The following DENND4A variants were observed in gnomAD, a reference collection of about 807,000 sequenced individuals.
DENND4A encodes C-myc promoter-binding protein.
In DENND4A, 70 loss-of-function variants were observed where a neutral mutation model predicts 199.3. The observed-to-expected ratio is 0.35, with a 90% CI of 0.29 to 0.43. The LOEUF is 0.43. Ranked by LOEUF, DENND4A falls within the 20% of genes least tolerant of loss-of-function variation. DENND4A has a pLI of 1.00. For synonymous variants in DENND4A, 686 were observed against 766.9 expected (o/e 0.89, Z 1.74); for missense variants, 1,723 against 2,255.8 (o/e 0.76, Z 4.78).
intron 3 of DENND4A, among the ~76,000 whole-genome samples, 167 bp downstream of exon 3, chr15:65,755,973 A>T (rs74559459): frequency 2.0e-5 from 3 of 152,338 alleles, no homozygotes; most frequent in Non-Finnish European, 4.4e-5. Context: ...CAGGATAAAG[A>T]GAGACAAAAG....
chr15:65,756,745 GCA>G (rs1163020143), intron 2 of DENND4A, among the ~76,000 whole-genome samples: 1 of 152,186 alleles, frequency 6.6e-6, no homozygotes, highest in Non-Finnish European at 1.5e-5. Context: ...CTTTTTAAAT[GCA>G]CAGTCTGGCC....
chr15:65,676,654 C>A lies in DENND4A; in HGVS notation c.4180-20G>T. On this transcript the variant is annotated intron_variant, in intron 23 of 32. Transcript: ENST00000443035. ...TTGATCCTAAGGACATAATTATAAG[C>A]TTAATTTCTTGTACATTTAAAGGTA... 1.3e-6 allele frequency: 2 copies of A among 1,580,608 alleles called. No homozygotes were observed. Among genetic ancestry groups the A allele is most frequent in the African/African-American group, 1.4e-5 (1 of 73,894 alleles).
intron 1 of DENND4A, among the ~76,000 whole-genome samples, chr15:65,767,843 C>T (rs2077025162): frequency 6.6e-6 from 1 of 151,994 alleles, no homozygotes; most frequent in South Asian, 2.1e-4. Context: ...ATATATTAGA[C>T]ATATTCAAAT....
chr15:65,700,458 G>T, intron 20 of DENND4A, 86 bp downstream of exon 20: 1 of 835,208 alleles, frequency 1.2e-6, no homozygotes, highest in Non-Finnish European at 1.6e-6. Flanking sequence ...AAACATCACT[G>T]AAAATGAAAA....
At position 65,737,787 on chromosome 15, in the gene DENND4A, A is replaced by G; in HGVS notation, c.960T>C (p.Pro320=). 6.3e-7 allele frequency: 1 copy of G among 1,595,560 alleles called. No homozygotes were observed. Among genetic ancestry groups the G allele is most frequent in the Non-Finnish European group, 8.5e-7 (1 of 1,170,426 alleles). ...NKCICLLSHW[P]FFDAFRKFLT... ...GAAACTTCCTGAATGCATCAAAAAAAGGCCAGTGAGAAAGAAGACAGATGC... is the reference window on the plus strand; with the variant it reads ...GAAACTTCCTGAATGCATCAAAAAAGGGCCAGTGAGAAAGAAGACAGATGC... The change falls in exon 7 of 33, where the codon CCT becomes CCC. Residue 320 remains proline, a synonymous_variant. Transcript: ENST00000443035.
At chr15:65,744,382 G>A (rs1307470395) in intron 4 of DENND4A, among the ~76,000 whole-genome samples, 1 of 152,030 alleles carries the variant, frequency 6.6e-6, no homozygotes, top group African/African-American at 2.4e-5. Flanking sequence ...TAAGGTAAGC[G>A]GTCTGAAATG....
chr15:65,772,132 TC>T, intron 1 of DENND4A: 1 of 785,526 alleles, frequency 1.3e-6, no homozygotes, highest in Middle Eastern at 2.3e-4. Context: ...TCATCCCTGT[TC>T]CCCTCCATAG....
At chr15:65,776,689 C>G (rs1222854739) in intron 1 of DENND4A, among the ~76,000 whole-genome samples, 1 of 152,176 alleles carries the variant, frequency 6.6e-6, no homozygotes, top group Non-Finnish European at 1.5e-5. Flanking sequence ...AAAGAGATAC[C>G]TGCCTCAGAC....
chr15:65,664,783 TA>T, intron 30 of DENND4A, 61 bp from the exon 31 acceptor site: 1 of 1,397,074 alleles, frequency 7.2e-7, no homozygotes, highest in Non-Finnish European at 9.7e-7. Flanking sequence ...AGAAAGAAAT[TA>T]AGCAGCAACT....
At chr15:65,706,034 T>C in intron 15 of DENND4A, 57 bp downstream of exon 15, 1 of 1,432,990 alleles carries the variant, frequency 7.0e-7, no homozygotes, top group Non-Finnish European at 9.2e-7. Flanking sequence ...GAAAGCTACG[T>C]CACAGATGAT....
Position 65,700,657 on chromosome 15 carries a change from T to G in DENND4A, c.2720A>C (p.Asp907Ala), listed in dbSNP as rs1416185356. The stretch of plus-strand genomic sequence containing the variant: ...ATCCATGCTGCCATGACTAACAGCA[T>G]CCAGGTCACTGCCATCTGCTTAAGA... Reference protein sequence around the residue: ...TTLSADGSDLDAVSHGSMDSG... With the variant: ...TTLSADGSDLAAVSHGSMDSG... The change falls in exon 20 of 33, where the codon GAT becomes GCT. Residue 907 changes from aspartate (D) to alanine (A), a missense_variant. Physicochemically the swap from Asp to Ala is moderately radical, Grantham distance 126. Transcript: ENST00000443035. The G allele has an allele frequency of 6.5e-7, 1 of 1,542,236 alleles. No individual in the cohort carries two copies. Among genetic ancestry groups the G allele is most frequent in the Admixed American group, 2.1e-5 (1 of 48,302 alleles).
intron 1 of DENND4A, among the ~76,000 whole-genome samples, chr15:65,768,572 T>A: frequency 6.6e-6 from 1 of 152,226 alleles, no homozygotes; most frequent in East Asian, 1.9e-4. Context: ...GAAGGACATA[T>A]AAAGTGTACA....
At chr15:65,734,255 C>T (rs1170742896) in intron 7 of DENND4A, among the ~76,000 whole-genome samples, 1 of 152,118 alleles carries the variant, frequency 6.6e-6, no homozygotes, top group Non-Finnish European at 1.5e-5. Context: ...GTGGGACATG[C>T]GGGCAGCAAT....
Position 65,676,526 on chromosome 15 carries a change from A to G in DENND4A, c.4288T>C (p.Ser1430Pro). ...VCHELEGPIS[S>P]QETSATSGTK... ...CCTGAAGTAGCACTGGTCTCTTGAGAGGAGATAGGTCCTTCCAACTCATGG... is the reference window on the plus strand; with the variant it reads ...CCTGAAGTAGCACTGGTCTCTTGAGGGGAGATAGGTCCTTCCAACTCATGG... Residue 1430 changes from serine (S) to proline (P), a missense_variant, in exon 24 of 33, where the codon TCT becomes CCT. Coordinates refer to ENST00000443035, the MANE Select transcript of DENND4A (RefSeq NM_001320835.1). The G allele has an allele frequency of 1.2e-6, 2 of 1,613,798 alleles. No homozygotes were observed. Among genetic ancestry groups the G allele is most frequent in the Non-Finnish European group, 1.7e-6 (2 of 1,179,788 alleles).
chr15:65,716,021 T>G (rs1192781419), intron 13 of DENND4A, among the ~76,000 whole-genome samples: 1 of 152,042 alleles, frequency 6.6e-6, no homozygotes, highest in Non-Finnish European at 1.5e-5. Context: ...TTCCCTCGTA[T>G]TCATTCATGT....
rs767966071 is a variant in DENND4A at position 65,691,387 on chromosome 15, C to T, written c.3207G>A (p.Val1069=). Residue 1069 remains valine (V), a synonymous_variant, in exon 23 of 33, where the codon GTG becomes GTA. Coordinates refer to ENST00000443035, the MANE Select transcript of DENND4A (RefSeq NM_001320835.1). The part of the protein sequence containing the change: ...SDNETNLQQQ[V]VWGNRNRNLS... Reference sequence around the variant, plus strand: ...GATTACGGTTTCTATTTCCCCAGACCACTTGCTGCTGCAAATTAGTTTCAT... The same window carrying T: ...GATTACGGTTTCTATTTCCCCAGACTACTTGCTGCTGCAAATTAGTTTCAT... 1.9e-6 allele frequency: 3 copies of T among 1,613,586 alleles called. No individual in the cohort carries two copies. The highest frequency in any genetic ancestry group is 2.5e-6 in the Non-Finnish European group (3 of 1,179,726).
chr15:65,690,428 G>T lies in DENND4A; in HGVS notation c.4166C>A (p.Thr1389Asn), dbSNP rs373506222. Residue 1389 changes from threonine (T) to asparagine (N), a missense_variant, in exon 23 of 33, where the codon ACC becomes AAC. Thr to Asn is a moderately conservative substitution (Grantham distance 65). Coordinates refer to ENST00000443035, the MANE Select transcript of DENND4A (RefSeq NM_001320835.1). ...AACCAAACTTACCTTAGATGATGTGGTGTACATGGTGAATCTTGAATACCA... is the reference window on the plus strand; with the variant it reads ...AACCAAACTTACCTTAGATGATGTGTTGTACATGGTGAATCTTGAATACCA... ...SKWYSRFTMY[T>N]TSSKDQSSDR... 81 of 1,583,292 alleles carry T rather than the reference G, an allele frequency of 5.1e-5. No homozygotes were observed. The highest frequency in any genetic ancestry group is 6.4e-5 in the Non-Finnish European group (75 of 1,164,078).
intron 29 of DENND4A, 36 bp downstream of exon 29, chr15:65,667,412 AG>A (rs2076078752): frequency 6.3e-7 from 1 of 1,596,334 alleles, no homozygotes; most frequent in African/African-American, 1.3e-5. Context: ...CAATGGTAAC[AG>A]AAGCATTCAT....
Position 65,772,364 on chromosome 15 carries a change from G to A in DENND4A, c.-101-10926C>T, listed in dbSNP as rs2077157163. ...ATGTTTAGAAAATCTGCCACTGTATGTATCTTATAAAAAAGGCTGGATGTC... is the reference window on the plus strand; with the variant it reads ...ATGTTTAGAAAATCTGCCACTGTATATATCTTATAAAAAAGGCTGGATGTC... On this transcript the variant is annotated intron_variant, in intron 1 of 32. Coordinates refer to ENST00000443035, the MANE Select transcript of DENND4A (RefSeq NM_001320835.1). 5.3e-5 allele frequency among the ~76,000 whole-genome samples: 8 copies of A among 151,994 alleles called. 1 individual carries two copies. The East Asian group carries it at 1.5e-3, about 29-fold the overall frequency.
Sources: allele counts gnomAD v4.1 joint callset (sites outside exome capture counted in the v4.1 genomes callset), GRCh38; gene constraint gnomAD v4.1.1; transcripts MANE v1.5; gene names NCBI Gene and HGNC (gene_info 2026-07-23, HGNC 2026-07-21).